The following SLC16A7 variants were observed in gnomAD, a reference collection of about 807,000 sequenced individuals.
SLC16A7 encodes the protein solute carrier family 16 member 7.
Under a neutral mutation model 34.9 loss-of-function variants are expected in SLC16A7, and 33 were observed. The observed-to-expected ratio is 0.94, with a 90% CI of 0.72 to 1.26. The LOEUF (loss-of-function observed/expected upper bound fraction) is 1.26. SLC16A7 is among the 50% of genes most tolerant of loss of function. The probability of loss-of-function intolerance (pLI) is 0.00; values close to 1 mark genes in which losing one functional copy is unlikely to be tolerated. For synonymous variants in SLC16A7, 201 were observed against 206.6 expected, an observed-to-expected ratio of 0.97 and a Z score of 0.23; for missense variants, 573 against 578.1, an observed-to-expected ratio of 0.99 and a Z score of 0.09.
chr12:59,624,091 C>T (rs551430294), intron 1 of SLC16A7, among the ~76,000 whole-genome samples: 20 of 151,470 alleles, frequency 1.3e-4, no homozygotes, highest in Non-Finnish European at 2.1e-4. Flanking sequence ...ATATTCCTGT[C>T]ATAGATATCT....
intron 2 of SLC16A7, among the ~76,000 whole-genome samples, chr12:59,655,829 C>T (rs761976812): frequency 1.1e-4 from 16 of 151,940 alleles, no homozygotes; most frequent in Admixed American, 2.6e-4. Flanking sequence ...TTTCAATCCT[C>T]GCTGTGCAGA....
In SLC16A7 at chr12:59,787,469, C is replaced by T. The variant is rs770405005; in HGVS notation, c.*7790C>T. The T allele has an allele frequency of 6.6e-6, 1 of 152,144 alleles. No individual in the cohort carries two copies. The highest frequency in any genetic ancestry group is 1.5e-5 in the Non-Finnish European group (1 of 68,022). The allele number at this position is 152,144 out of a possible 1,614,324, so 9.4% of individuals were successfully genotyped here. On this transcript the variant is annotated 3_prime_UTR_variant, in exon 6 of 6. Coordinates refer to ENST00000547379, the MANE Select transcript of SLC16A7 (RefSeq NM_001270623.2). The stretch of plus-strand genomic sequence containing the variant: ...ATGTTAGAGATTCCATCTACCTCTG[C>T]ATCTTATCTAGCTAGATACAGTCTT...
intron 2 of SLC16A7, among the ~76,000 whole-genome samples, chr12:59,694,417 T>C (rs1872036960): frequency 6.6e-6 from 1 of 151,980 alleles, no homozygotes; most frequent in Non-Finnish European, 1.5e-5. Flanking sequence ...ACAACCTGGT[T>C]AGTTTGGAGA....
chr12:59,721,879 G>T (rs1460340029), intron 3 of SLC16A7, among the ~76,000 whole-genome samples: 1 of 151,772 alleles, frequency 6.6e-6, no homozygotes, highest in African/African-American at 2.4e-5. Flanking sequence ...TTCTTTTGAT[G>T]CCATTAGCCA....
chr12:59,658,387 T>C lies in SLC16A7; in HGVS notation c.-31+3137T>C, dbSNP rs1440592713. Among the ~76,000 whole-genome samples, 5 of 152,170 alleles carry C rather than the reference T, an allele frequency of 3.3e-5. No homozygotes were observed. In the East Asian group the frequency reaches 9.7e-4, roughly 29 times the overall value. On this transcript the variant is annotated intron_variant, in intron 2 of 5. Transcript: ENST00000547379. ...GAAATAGATGGATCTTTGGGTAGCC[T>C]TGGAGAACTGTTTGAACATGGAACC... is the stretch of plus-strand genomic sequence containing the variant.
In SLC16A7 at chr12:59,620,389, A is replaced by G. The variant is rs1444565065; in HGVS notation, c.-130+24153A>G. Among the ~76,000 whole-genome samples, 4 of 152,010 alleles carry G rather than the reference A, an allele frequency of 2.6e-5. No individual in the cohort carries two copies. In the South Asian group the frequency reaches 6.2e-4, roughly 24 times the overall value. On this transcript the variant is annotated intron_variant, in intron 1 of 5. Transcript: ENST00000547379. ...AAATTTACAGTGAGGTATGTTTACAAAAGAGGAAGACAGCAAAAAAATTAG... is the reference window on the plus strand; with the variant it reads ...AAATTTACAGTGAGGTATGTTTACAGAAGAGGAAGACAGCAAAAAAATTAG...
intron 1 of SLC16A7, among the ~76,000 whole-genome samples, chr12:59,631,851 A>G (rs150575775): frequency 3.3e-5 from 5 of 152,100 alleles, no homozygotes; most frequent in African/African-American, 1.2e-4. Flanking sequence ...GATGGTTGGG[A>G]AAGTAAATAT....
Position 59,709,428 on chromosome 12 carries a change from C to T in SLC16A7, c.217+4410C>T, listed in dbSNP as rs959444323. 2.0e-5 allele frequency among the ~76,000 whole-genome samples: 3 copies of T among 151,568 alleles called. No homozygotes were observed. In the South Asian group the frequency reaches 6.2e-4, roughly 31 times the overall value. On this transcript the variant is annotated intron_variant, in intron 3 of 5. Coordinates refer to ENST00000547379, the MANE Select transcript of SLC16A7 (RefSeq NM_001270623.2). The stretch of plus-strand genomic sequence containing the variant: ...GAGGCCGAGAAGCAAAAGGCTTTAA[C>T]ATAGCAGGTTGGTGGTCATAATGTA...
intron 1 of SLC16A7, among the ~76,000 whole-genome samples, chr12:59,614,366 C>T (rs1879341014): frequency 6.6e-6 from 1 of 152,030 alleles, no homozygotes; most frequent in South Asian, 2.1e-4. Context: ...ACTGTATTGG[C>T]TCCAGAAAAT....
intron 3 of SLC16A7, among the ~76,000 whole-genome samples, chr12:59,721,304 T>C (rs1263445655): frequency 6.6e-6 from 1 of 151,944 alleles, no homozygotes; most frequent in Non-Finnish European, 1.5e-5. Context: ...TACCACATTC[T>C]CCTGCCTGTT....
chr12:59,754,388 G>A (rs998388715), intron 3 of SLC16A7, among the ~76,000 whole-genome samples: 2 of 151,384 alleles, frequency 1.3e-5, no homozygotes, highest in East Asian at 3.9e-4. Flanking sequence ...AAAGAGAGAA[G>A]AATCAAATAG....
intron 1 of SLC16A7, among the ~76,000 whole-genome samples, chr12:59,634,181 G>A (rs1880314844): frequency 6.6e-6 from 1 of 151,990 alleles, no homozygotes; most frequent in Non-Finnish European, 1.5e-5. Context: ...CCTGTAGATG[G>A]CCTTGTAGAT....
chr12:59,709,934 AG>A (rs766729858), intron 3 of SLC16A7, among the ~76,000 whole-genome samples: 5 of 151,582 alleles, frequency 3.3e-5, no homozygotes, highest in Non-Finnish European at 5.9e-5. Context: ...CTCCTGGACA[AG>A]GTGGTTTGAT....
chr12:59,718,957 C>G (rs867191027), intron 3 of SLC16A7, among the ~76,000 whole-genome samples: 12 of 152,008 alleles, frequency 7.9e-5, no homozygotes, highest in Admixed American at 5.3e-4. Flanking sequence ...CATCTAGGAC[C>G]CGATTCCCCC....
intron 2 of SLC16A7, among the ~76,000 whole-genome samples, chr12:59,684,277 A>G (rs1284051981): frequency 1.3e-5 from 2 of 152,240 alleles, no homozygotes; most frequent in African/African-American, 4.8e-5. Context: ...CTGACACCAA[A>G]TCCTTTAGAA....
chr12:59,672,210 GTA>G (rs1158603166), intron 2 of SLC16A7, among the ~76,000 whole-genome samples: 50 of 29,872 alleles, frequency 1.7e-3, no homozygotes, highest in African/African-American at 3.7e-3. Context: ...ACATATATAC[GTA>G]TATATATGTG....
chr12:59,712,457 A>G (rs1874346809), intron 3 of SLC16A7, among the ~76,000 whole-genome samples: 1 of 152,122 alleles, frequency 6.6e-6, no homozygotes, highest in Non-Finnish European at 1.5e-5. Flanking sequence ...AAATCCTTCT[A>G]TGTTTAGGGA....
intron 3 of SLC16A7, among the ~76,000 whole-genome samples, chr12:59,747,764 CA>C (rs1468443419): frequency 3.3e-5 from 5 of 152,194 alleles, no homozygotes; most frequent in African/African-American, 1.2e-4. Flanking sequence ...GCTGTGTAAG[CA>C]GAGGCAACCT....
At chr12:59,602,439 T>C (rs1337100787) in intron 1 of SLC16A7, among the ~76,000 whole-genome samples, 1 of 151,508 alleles carries the variant, frequency 6.6e-6, no homozygotes, top group Non-Finnish European at 1.5e-5. Context: ...TTTCACCTCG[T>C]ATTCAATATA....
Sources: allele counts gnomAD v4.1 joint callset (sites outside exome capture counted in the v4.1 genomes callset), GRCh38; gene constraint gnomAD v4.1.1; transcripts MANE v1.5; gene names NCBI Gene and HGNC (gene_info 2026-07-23, HGNC 2026-07-21).